The following DEPTOR variants were observed in gnomAD, a reference collection of about 807,000 sequenced individuals.
DEPTOR encodes DEP domain-containing mTOR-interacting protein.
Under a neutral mutation model 41.6 loss-of-function variants are expected in DEPTOR, and 41 were observed. The observed-to-expected ratio is 0.98, with a 90% confidence interval of 0.77 to 1.28. The LOEUF (loss-of-function observed/expected upper bound fraction) is 1.28. Ranked by LOEUF, DEPTOR falls within the 50% of genes most tolerant of loss-of-function variation. DEPTOR has a pLI of 0.00. For synonymous variants in DEPTOR, 195 were observed against 192.3 expected, an observed-to-expected ratio of 1.01 and a Z score of -0.12; for missense variants, 514 against 527.9, an observed-to-expected ratio of 0.97 and a Z score of 0.26.
intron 6 of DEPTOR, 40 bp downstream of exon 6, chr8:120,003,151 G>A (rs1158315338): frequency 6.3e-7 from 1 of 1,596,752 alleles, no homozygotes; most frequent in Non-Finnish European, 8.5e-7. Flanking sequence ...AAGACTGTGG[G>A]GACTTGGGCA....
chr8:119,963,832 G>C (rs913583567), intron 3 of DEPTOR, among the ~76,000 whole-genome samples: 1 of 152,194 alleles, frequency 6.6e-6, no homozygotes, highest in African/African-American at 2.4e-5. Flanking sequence ...AGCTATGTGG[G>C]TATGGGAGGA....
chr8:120,029,641 C>T (rs1409433457), intron 8 of DEPTOR, among the ~76,000 whole-genome samples: 2 of 152,122 alleles, frequency 1.3e-5, no homozygotes, highest in African/African-American at 4.8e-5. Context: ...GGTGATCCAC[C>T]CACCTCGGCC....
chr8:119,893,663 T>C (rs996768389), intron 1 of DEPTOR, among the ~76,000 whole-genome samples: 4 of 152,082 alleles, frequency 2.6e-5, no homozygotes, highest in Admixed American at 1.3e-4. Flanking sequence ...ACCCTGTCTT[T>C]ACTAAAAATA....
intron 8 of DEPTOR, among the ~76,000 whole-genome samples, chr8:120,025,882 C>T (rs1004265655): frequency 6.6e-6 from 1 of 151,950 alleles, no homozygotes; most frequent in Non-Finnish European, 1.5e-5. Flanking sequence ...GCATCCTTAC[C>T]TTGGCCCAAA....
chr8:120,025,170 TTTAA>T (rs1240626677), intron 8 of DEPTOR, among the ~76,000 whole-genome samples: 16 of 152,192 alleles, frequency 1.1e-4, no homozygotes, highest in East Asian at 9.6e-4. Flanking sequence ...AAATGTAATG[TTTAA>T]TTAAAGACTG....
chr8:119,880,874 TAGAG>T (rs1586595571), intron 1 of DEPTOR, among the ~76,000 whole-genome samples: 1 of 152,340 alleles, frequency 6.6e-6, no homozygotes, highest in Non-Finnish European at 1.5e-5. Context: ...AATGCTTAAA[TAGAG>T]AGAAAATGCA....
chr8:119,999,506 C>T lies in DEPTOR; in HGVS notation c.605-2019C>T, dbSNP rs376139566. ...GGGCACAGTGGTGTGTGCCTGCAGT[C>T]CTAGCTACTTGGGAGGCTGAGGCAG... On this transcript the variant is annotated intron_variant, in intron 4 of 8. Coordinates refer to ENST00000286234, the MANE Select transcript of DEPTOR (RefSeq NM_022783.4). Among the ~76,000 whole-genome samples the T allele has an allele frequency of 1.1e-4, 17 of 152,056 alleles. No individual in the cohort carries two copies. The East Asian group carries it at 2.1e-3, about 19-fold the overall frequency.
chr8:119,942,850 A>G (rs1186195648), intron 3 of DEPTOR, among the ~76,000 whole-genome samples: 3 of 152,236 alleles, frequency 2.0e-5, no homozygotes, highest in African/African-American at 4.8e-5. Flanking sequence ...TTGTGAGGAC[A>G]TGATAAAATC....
At chr8:119,995,749 A>T (rs1473082755) in intron 4 of DEPTOR, among the ~76,000 whole-genome samples, 6 of 152,146 alleles carry the variant, frequency 3.9e-5, no homozygotes, top group Non-Finnish European at 8.8e-5. Context: ...GAGCAGATGA[A>T]GGTGTCATAT....
At chr8:119,989,855 C>T (rs1477117125) in intron 4 of DEPTOR, among the ~76,000 whole-genome samples, 4 of 152,198 alleles carry the variant, frequency 2.6e-5, no homozygotes, top group East Asian at 1.9e-4. Context: ...TCTGCTATTA[C>T]GTGCTTGTTA....
At chr8:120,020,376 C>T (rs1248678794) in intron 8 of DEPTOR, among the ~76,000 whole-genome samples, 2 of 151,876 alleles carry the variant, frequency 1.3e-5, no homozygotes, top group African/African-American at 2.4e-5. Context: ...ACACCACACC[C>T]AGCTTGTTTT....
intron 4 of DEPTOR, among the ~76,000 whole-genome samples, chr8:119,973,890 A>T (rs753208649): frequency 6.7e-4 from 102 of 152,290 alleles, no homozygotes; most frequent in Non-Finnish European, 1.3e-3. Context: ...TGATTATCTC[A>T]TCCTTCAGTG....
intron 8 of DEPTOR, among the ~76,000 whole-genome samples, chr8:120,016,873 A>G (rs549464277): frequency 1.3e-5 from 2 of 152,268 alleles, no homozygotes; most frequent in Admixed American, 6.5e-5. Context: ...CAAAATCTCC[A>G]TAAAGTTGAG....
At chr8:119,971,070 A>G (rs1828626237) in intron 4 of DEPTOR, among the ~76,000 whole-genome samples, 1 of 152,098 alleles carries the variant, frequency 6.6e-6, no homozygotes, top group Admixed American at 6.5e-5. Context: ...CTCTGCTAAA[A>G]ATACAAAAAA....
At chr8:119,897,709 T>C (rs1827539055) in intron 1 of DEPTOR, among the ~76,000 whole-genome samples, 1 of 152,184 alleles carries the variant, frequency 6.6e-6, no homozygotes, top group Admixed American at 6.5e-5. Context: ...GACCTTGAGA[T>C]TTGGTAGAAA....
intron 8 of DEPTOR, among the ~76,000 whole-genome samples, chr8:120,036,219 C>T (rs1486434804): frequency 2.6e-5 from 4 of 152,200 alleles, no homozygotes; most frequent in African/African-American, 4.8e-5. Context: ...CTGTATGAGA[C>T]CAGCAGGCAT....
At chr8:119,962,915 A>G (rs1828511298) in intron 3 of DEPTOR, among the ~76,000 whole-genome samples, 1 of 152,142 alleles carries the variant, frequency 6.6e-6, no homozygotes, top group Non-Finnish European at 1.5e-5. Context: ...GAGAGGGGCC[A>G]AGGACAATGC....
chr8:120,030,514 T>TTTTTTG (rs1812874381), intron 8 of DEPTOR, among the ~76,000 whole-genome samples: 1 of 131,674 alleles, frequency 7.6e-6, no homozygotes, highest in East Asian at 2.3e-4. Flanking sequence ...TTTTTTTTTT[T>TTTTTTG]TTTTTTTTTT....
At chr8:119,963,774 G>A (rs1267351856) in intron 3 of DEPTOR, among the ~76,000 whole-genome samples, 1 of 152,166 alleles carries the variant, frequency 6.6e-6, no homozygotes, top group Non-Finnish European at 1.5e-5. Context: ...TGTGAAAATG[G>A]AATCCAGAGG....
Sources: gnomAD v4.1 joint callset for allele counts (sites outside exome capture counted in the v4.1 genomes callset) on GRCh38, gnomAD v4.1.1 for gene constraint, MANE v1.5 for transcripts, NCBI Gene and HGNC (gene_info 2026-07-23, HGNC 2026-07-21) for gene names.